Variants in DAB1 observed in about 807,000 individuals in gnomAD.
DAB1 encodes disabled homolog 1.
In DAB1, 15 loss-of-function variants were observed where a neutral mutation model predicts 64.6. The ratio of observed to expected loss-of-function variants is 0.23; its 90% CI spans 0.16 to 0.36. DAB1 has a LOEUF of 0.36. Ranked by LOEUF, DAB1 falls within the 10% of genes least tolerant of loss-of-function variation. DAB1 has a pLI of 1.00. For missense variants in DAB1, 596 were observed against 706.7 expected, an observed-to-expected ratio of 0.84 and a Z score of 1.78; for synonymous variants, 235 against 251.9, an observed-to-expected ratio of 0.93 and a Z score of 0.64.
At chr1:57,753,371 T>C (rs192062247) in intron 6 of DAB1, among the ~76,000 whole-genome samples, 9 of 152,252 alleles carry the variant, frequency 5.9e-5, no homozygotes, top group Admixed American at 2.6e-4. Flanking sequence ...GGCAGTGAGC[T>C]TGGCTGACCC....
intron 6 of DAB1, among the ~76,000 whole-genome samples, chr1:57,767,917 C>T (rs1212594048): frequency 1.3e-5 from 2 of 151,976 alleles, no homozygotes; most frequent in African/African-American, 4.8e-5. Flanking sequence ...TAGCTCACAT[C>T]TGTAATCCCA....
At chr1:57,781,154 A>G (rs1175816727) in intron 6 of DAB1, among the ~76,000 whole-genome samples, 1 of 99,750 alleles carries the variant, frequency 1.0e-5, no homozygotes, top group Non-Finnish European at 2.1e-5. Context: ...ATATATATAT[A>G]TATATATATA....
chr1:58,004,107 C>A (rs1199870792), intron 5 of DAB1, among the ~76,000 whole-genome samples: 1 of 152,160 alleles, frequency 6.6e-6, no homozygotes, highest in East Asian at 1.9e-4. Flanking sequence ...GAGAAATAGG[C>A]AGAGGTGACC....
At chr1:58,489,693 A>G (rs565839280) in intron 3 of DAB1, among the ~76,000 whole-genome samples, 47 of 152,316 alleles carry the variant, frequency 3.1e-4, no homozygotes, top group African/African-American at 1.0e-3. Flanking sequence ...GGCACCCCCC[A>G]GTAGGGGCAG....
intron 12 of DAB1, 81 bp from the exon 13 acceptor site, chr1:57,011,353 C>A (rs999672751): frequency 7.9e-6 from 12 of 1,523,020 alleles, no homozygotes; most frequent in Non-Finnish European, 1.1e-5. Context: ...CAGGAATCTG[C>A]TTATATTGAA....
intron 4 of DAB1, among the ~76,000 whole-genome samples, chr1:58,197,132 C>T (rs1657719222): frequency 6.6e-6 from 1 of 152,082 alleles, no homozygotes; most frequent in Non-Finnish European, 1.5e-5. Flanking sequence ...AACCTGGGTC[C>T]CTGAATTATA....
At chr1:58,269,289 TTTACTGAGAATGATGAC>T (rs1436832500) in intron 4 of DAB1, among the ~76,000 whole-genome samples, 1 of 151,658 alleles carries the variant, frequency 6.6e-6, no homozygotes, top group Non-Finnish European at 1.5e-5. Flanking sequence ...CTTGTGATAG[TTTACTGAGAATGATGAC>T]TTCCAATTTC....
intron 2 of DAB1, among the ~76,000 whole-genome samples, chr1:57,231,196 A>T (rs1333418375): frequency 6.6e-6 from 1 of 152,208 alleles, no homozygotes; most frequent in Non-Finnish European, 1.5e-5. Context: ...ATTAGAGAAC[A>T]TTCTTTCCCA....
chr1:57,999,183 T>C (rs1323160676), intron 5 of DAB1, among the ~76,000 whole-genome samples: 3 of 152,204 alleles, frequency 2.0e-5, no homozygotes, highest in Non-Finnish European at 4.4e-5. Flanking sequence ...GGTCCTATGC[T>C]AAGTATCTTA....
At chr1:57,248,664 T>A (rs1669086365) in intron 2 of DAB1, among the ~76,000 whole-genome samples, 1 of 152,246 alleles carries the variant, frequency 6.6e-6, no homozygotes, top group Non-Finnish European at 1.5e-5. Context: ...CAGCACATAT[T>A]GATTTTGAAG....
At chr1:58,447,709 A>G (rs1321945626) in intron 3 of DAB1, among the ~76,000 whole-genome samples, 1 of 152,164 alleles carries the variant, frequency 6.6e-6, no homozygotes, top group African/African-American at 2.4e-5. Flanking sequence ...ATCAGGGAAG[A>G]CTTTCTTGAG....
chr1:57,115,758 G>T lies in DAB1; in HGVS notation c.306+20785C>A, dbSNP rs1026121096. On this transcript the variant is annotated intron_variant, in intron 4 of 14. Transcript: ENST00000371236. ...GTCTTCTCTGAGCAGGCTTCTTAAA[G>T]GTGAAAACACTCCAACTTGTGGAAG... Among the ~76,000 whole-genome samples, 18 of 152,250 alleles carry T rather than the reference G, an allele frequency of 1.2e-4. No individual in the cohort carries two copies. In the South Asian group the frequency reaches 3.8e-3, roughly 32 times the overall value.
chr1:57,889,900 G>GGT lies in DAB1; in HGVS notation n.388-5739_388-5738insAC, dbSNP rs201797450. On this transcript the variant is annotated intron_variant and non_coding_transcript_variant, in intron 5 of 20. Transcript: ENST00000485760. ...CGCAGATGGTAGCACAAACTGGGGC[G>GGT]GGGGGGGGGGAGGGGGAAGAAATCA... Among the ~76,000 whole-genome samples the GGT allele has an allele frequency of 2.7e-3, 166 of 60,564 alleles. 8 individuals carry two copies. Among genetic ancestry groups the GGT allele is most frequent in the African/African-American group, 0.01 (165 of 15,780 alleles). 39.7% of individuals were successfully genotyped at this position (60,564 alleles called of 152,430 possible). A position where few individuals can be genotyped will look rare whatever the true frequency, so the allele number is the denominator to read the frequency against.
At chr1:57,569,477 A>G (rs1645166685) in intron 7 of DAB1, among the ~76,000 whole-genome samples, 2 of 152,044 alleles carry the variant, frequency 1.3e-5, no homozygotes, top group African/African-American at 2.4e-5. Context: ...CTCAGCAAAC[A>G]ATAGCAAATA....
At chr1:58,119,577 ATG>A (rs1652612533) in intron 5 of DAB1, among the ~76,000 whole-genome samples, 1 of 152,070 alleles carries the variant, frequency 6.6e-6, no homozygotes, top group African/African-American at 2.4e-5. Context: ...GCTAGCTATG[ATG>A]GACAGAGCAG....
intron 4 of DAB1, among the ~76,000 whole-genome samples, chr1:58,215,406 T>C (rs575280959): frequency 6.6e-6 from 1 of 150,582 alleles, no homozygotes; most frequent in African/African-American, 2.4e-5. Context: ...ATAGTGTTTT[T>C]TTTTTTTTTT....
chr1:58,468,482 C>T (rs944686590), intron 3 of DAB1: 3 of 152,088 alleles, frequency 2.0e-5, no homozygotes, highest in African/African-American at 4.8e-5. Context: ...AGGTGAGAGA[C>T]ATGTGGGCTG....
intron 7 of DAB1, among the ~76,000 whole-genome samples, chr1:57,536,207 A>G (rs1202643418): frequency 6.6e-6 from 1 of 152,152 alleles, no homozygotes; most frequent in East Asian, 1.9e-4. Flanking sequence ...AAAATATATC[A>G]CACAGACCCT....
At chr1:58,012,948 T>C (rs1345005243) in intron 5 of DAB1, among the ~76,000 whole-genome samples, 3 of 152,182 alleles carry the variant, frequency 2.0e-5, no homozygotes, top group Admixed American at 2.0e-4. Flanking sequence ...ATATCATCAC[T>C]GGCCATTTAG....
Sources: allele counts gnomAD v4.1 joint callset (sites outside exome capture counted in the v4.1 genomes callset), GRCh38; gene constraint gnomAD v4.1.1; transcripts MANE v1.5; gene names NCBI Gene and HGNC (gene_info 2026-07-23, HGNC 2026-07-21).